SEC24B: variants seen among roughly 807,000 people sequenced by gnomAD.
The protein encoded by SEC24B is protein transport protein Sec24B.
SEC24B carries 45 observed loss-of-function variants against 142.8 expected under a neutral mutation model. The ratio of observed to expected loss-of-function variants is 0.32; its 90% CI spans 0.25 to 0.40. The LOEUF is 0.40. Ranked by LOEUF, SEC24B falls within the 10% of genes least tolerant of loss-of-function variation. The pLI is 1.00. For missense variants in SEC24B, 1,409 were observed against 1,526.8 expected (o/e 0.92, Z 1.29); for synonymous variants, 574 against 568.2 (o/e 1.01, Z -0.15).
chr4:109,489,584 G>A (rs66667140), intron 4 of SEC24B, among the ~76,000 whole-genome samples: 24,851 of 142,172 alleles, frequency 0.17, 2,471 homozygotes, highest in African/African-American at 0.27. Context: ...CTCAGCCTGG[G>A]TCTTTCATAT....
intron 18 of SEC24B, among the ~76,000 whole-genome samples, chr4:109,529,476 A>G (rs190339236): frequency 3.3e-5 from 5 of 152,230 alleles, no homozygotes; most frequent in African/African-American, 9.6e-5. Context: ...ATTATTGTAG[A>G]AAAATAAGTT....
chr4:109,538,423 C>T, intron 22 of SEC24B, 70 bp from the exon 23 acceptor site: 1 of 1,002,234 alleles, frequency 1.0e-6, no homozygotes, highest in East Asian at 2.4e-5. Context: ...TGGTAGGAAT[C>T]ATGATTTTGT....
rs763011114 is a variant in SEC24B, at chr4:109,513,819, A to G, written c.1976A>G (p.Asn659Ser). The change falls in exon 10 of 24, where the codon AAT becomes AGT. Residue 659 changes from asparagine to serine, a missense_variant. Transcript: ENST00000265175. ...GEPHKRPEVQ[N>S]STVEFIASSD... is the part of the protein sequence containing the mutation. ...CCTCATAAACGACCAGAAGTTCAGA[A>G]TTCAACTGTGGAGTTCATTGCTTCT... The G allele has an allele frequency of 6.2e-7, 1 of 1,612,772 alleles. No individual in the cohort carries two copies. Among genetic ancestry groups the G allele is most frequent in the African/African-American group, 1.3e-5 (1 of 75,014 alleles).
chr4:109,495,068 G>C (rs1232828972), intron 6 of SEC24B, among the ~76,000 whole-genome samples: 1 of 151,836 alleles, frequency 6.6e-6, no homozygotes, highest in Non-Finnish European at 1.5e-5. Context: ...TTTTTAAAGA[G>C]GTTAAATCTA....
chr4:109,491,340 T>G lies in SEC24B; in HGVS notation c.1179T>G (p.Ser393=). ...TTTTCCTTTTAGGTGTTGACAGCTC[T>G]TCTACCACAAGCAGTGCTTCTCCAA... is the stretch of plus-strand genomic sequence containing the variant. ...EEDEEAGVDS[S]STTSSASPMP... Residue 393 remains serine (S), a synonymous_variant, in exon 5 of 24, where the codon TCT becomes TCG. Transcript: ENST00000265175. The G allele has an allele frequency of 6.2e-7, 1 of 1,612,980 alleles. No individual in the cohort carries two copies. Among genetic ancestry groups the G allele is most frequent in the East Asian group, 2.2e-5 (1 of 44,846 alleles).
chr4:109,496,081 A>T (rs1735513274), intron 6 of SEC24B, among the ~76,000 whole-genome samples: 2 of 152,100 alleles, frequency 1.3e-5, no homozygotes, highest in South Asian at 4.1e-4. Flanking sequence ...ATTCACATCT[A>T]TATTTATTGA....
chr4:109,436,847 G>C (rs1561051351), intron 1 of SEC24B, among the ~76,000 whole-genome samples: 1 of 152,214 alleles, frequency 6.6e-6, no homozygotes, highest in Non-Finnish European at 1.5e-5. Context: ...TGCTGGGAGG[G>C]TGGCGGCACC....
chr4:109,523,963 T>G (rs1723943039), intron 14 of SEC24B, among the ~76,000 whole-genome samples: 1 of 152,166 alleles, frequency 6.6e-6, no homozygotes, highest in Admixed American at 6.5e-5. Flanking sequence ...AAAATTGCAT[T>G]TGAGAAGGAA....
intron 1 of SEC24B, among the ~76,000 whole-genome samples, chr4:109,450,469 C>G (rs1010456037): frequency 2.0e-5 from 3 of 151,710 alleles, no homozygotes; most frequent in African/African-American, 4.8e-5. Flanking sequence ...ACCAGCCTGG[C>G]CAGGATGGTG....
intron 22 of SEC24B, among the ~76,000 whole-genome samples, chr4:109,537,161 CCTCA>C (rs1365080660): frequency 6.7e-6 from 1 of 149,278 alleles, no homozygotes; most frequent in Non-Finnish European, 1.5e-5. Context: ...CAATATTTAA[CCTCA>C]CTCATAATTA....
intron 22 of SEC24B, among the ~76,000 whole-genome samples, chr4:109,536,609 A>G (rs1464324414): frequency 3.9e-5 from 6 of 152,156 alleles, no homozygotes; most frequent in Non-Finnish European, 8.8e-5. Flanking sequence ...GGCTCACTGC[A>G]AGCTCTGCCT....
intron 16 of SEC24B, among the ~76,000 whole-genome samples, chr4:109,525,831 A>G (rs1017913093): frequency 1.3e-5 from 2 of 152,166 alleles, no homozygotes; most frequent in African/African-American, 2.4e-5. Context: ...CTTCATAATC[A>G]TTTAATGTAC....
chr4:109,492,721 T>C (rs1250481937), intron 5 of SEC24B, among the ~76,000 whole-genome samples: 1 of 152,164 alleles, frequency 6.6e-6, no homozygotes, highest in Non-Finnish European at 1.5e-5. Context: ...AATATTATTC[T>C]TTCCTGAAGA....
At chr4:109,473,817 C>T (rs1040837485) in intron 3 of SEC24B, among the ~76,000 whole-genome samples, 2 of 152,092 alleles carry the variant, frequency 1.3e-5, no homozygotes, top group African/African-American at 4.8e-5. Context: ...GGCTAAAATT[C>T]CAAAGTATTG....
intron 8 of SEC24B, 100 bp from the exon 9 acceptor site, chr4:109,511,857 C>T: frequency 8.3e-7 from 1 of 1,198,584 alleles, no homozygotes; most frequent in Non-Finnish European, 1.2e-6. Flanking sequence ...CACATAAAAA[C>T]AATTAAGGTT....
At chr4:109,473,263 TATAATC>T in intron 3 of SEC24B, 77 bp downstream of exon 3, 1 of 1,022,392 alleles carries the variant, frequency 9.8e-7, no homozygotes. Flanking sequence ...AAAAGTTACT[TATAATC>T]TCAATCCAAA....
intron 1 of SEC24B, among the ~76,000 whole-genome samples, chr4:109,438,798 T>G (rs1289234258): frequency 6.6e-6 from 1 of 152,252 alleles, no homozygotes; most frequent in Non-Finnish European, 1.5e-5. Flanking sequence ...TCTCTTAAGC[T>G]TCCTTCCTTG....
Position 109,532,621 on chromosome 4 carries a change from C to G in SEC24B, c.3391-18C>G, listed in dbSNP as rs760732646. ...ATAGTAATGTAATCTCATTCACATT[C>G]TCTCTTTTTCTTTTCAGGGTGCAGT... On this transcript the variant is annotated intron_variant, in intron 20 of 23. Transcript: ENST00000265175. 70 of 1,589,384 alleles carry G rather than the reference C, an allele frequency of 4.4e-5. No individual in the cohort carries two copies. The highest frequency in any genetic ancestry group is 5.7e-5 in the Non-Finnish European group (66 of 1,158,136).
intron 4 of SEC24B, among the ~76,000 whole-genome samples, chr4:109,488,270 C>T (rs1578876083): frequency 6.6e-6 from 1 of 152,138 alleles, no homozygotes; most frequent in African/African-American, 2.4e-5. Context: ...TCCCATTCTA[C>T]CCTCCCCGCA....
Sources: gnomAD v4.1 joint callset for allele counts (sites outside exome capture counted in the v4.1 genomes callset) on GRCh38, gnomAD v4.1.1 for gene constraint, MANE v1.5 for transcripts, NCBI Gene and HGNC (gene_info 2026-07-23, HGNC 2026-07-21) for gene names.